RGS3: variants seen among roughly 807,000 people sequenced by gnomAD.
The protein encoded by RGS3 is regulator of G-protein signalling 3.
A neutral mutation model predicts 132.6 loss-of-function variants in RGS3; 80 were observed. The observed-to-expected ratio is 0.60, with a 90% CI of 0.50 to 0.73. RGS3 has a LOEUF of 0.73. Ranked by LOEUF, RGS3 falls within the 30% of genes least tolerant of loss-of-function variation. The pLI, the probability that RGS3 is intolerant of heterozygous loss-of-function variation, is 0.00. For missense variants in RGS3, 1,382 were observed against 1,530.8 expected, an observed-to-expected ratio of 0.90 and a Z score of 1.62; for synonymous variants, 598 against 620.6, an observed-to-expected ratio of 0.96 and a Z score of 0.54.
rs10981799 is a variant in RGS3 at position 113,506,301 on chromosome 9, G to A, written c.980-87G>A. The stretch of plus-strand genomic sequence containing the variant: ...GAGAAAAAGGGAGGTCCTTGTCTGA[G>A]GTCACCATGGCAGCAAAGGACTCCA... On this transcript the variant is annotated intron_variant, in intron 11 of 24. Transcript: ENST00000350696. This position sits in a 1 kb window ranked among gnomAD's most constrained non-coding sequence, Gnocchi z 4.7. 2,017 of 778,896 alleles carry A rather than the reference G, an allele frequency of 2.6e-3. 57 individuals carry two copies. The East Asian group carries it at 0.048, about 19-fold the overall frequency. The allele number at this position is 778,896 out of a possible 1,614,324, so 48.2% of individuals were successfully genotyped here.
exon 15 of RGS3, chr9:113,514,546 C>T (rs757513922): frequency 8.1e-6 from 13 of 1,614,058 alleles, no homozygotes; most frequent in African/African-American, 4.0e-5. Flanking sequence ...TGAAGGGCCA[C>T]GGGAACTACC....
exon 25 of RGS3, chr9:113,597,588 G>A (rs1444822483): frequency 6.6e-6 from 1 of 152,594 alleles, no homozygotes; most frequent in East Asian, 1.9e-4. Context: ...AAGGCAGCCT[G>A]GGGGGACACT....
At chr9:113,489,100 T>C (rs1564476942) in intron 7 of RGS3, among the ~76,000 whole-genome samples, 1 of 152,180 alleles carries the variant, frequency 6.6e-6, no homozygotes, top group South Asian at 2.1e-4. Context: ...GTAGGACTTA[T>C]TATTGCCCCT....
In RGS3 at chr9:113,565,093, C is replaced by CT; in HGVS notation, c.2038-18356dup. 8 of 1,160,054 alleles carry CT rather than the reference C, an allele frequency of 6.9e-6. No individual in the cohort carries two copies. Among genetic ancestry groups the CT allele is most frequent in the Non-Finnish European group, 7.6e-6 (7 of 927,054 alleles). The allele number at this position is 1,160,054 out of a possible 1,614,324, so 71.9% of individuals were successfully genotyped here. On this transcript the variant is annotated intron_variant, in intron 19 of 24. Transcript: ENST00000350696. The surrounding 1 kb of genome is among the most constrained non-coding windows in gnomAD (Gnocchi z 5.7). Reference sequence around the variant, plus strand: ...GTGCCGTTGTGAGGGATGGACGCCTCTCCCCCGGAGCAGCACTTTGGGGCC... The same window carrying CT: ...GTGCCGTTGTGAGGGATGGACGCCTCTTCCCCCGGAGCAGCACTTTGGGGCC...
rs10693019 is a variant in RGS3 at position 113,565,411 on chromosome 9, TAGG to T, written c.2038-18028_2038-18026del. The stretch of plus-strand genomic sequence containing the variant: ...GGAGGAGGAAGAGGAGGAGGACAAG[TAGG>T]AGGAGGAGGAAGAGGAGGAGGGACG... On this transcript the variant is annotated intron_variant, in intron 19 of 24. Transcript: ENST00000350696. This position sits in a 1 kb window ranked among gnomAD's most constrained non-coding sequence, Gnocchi z 5.7. The T allele has an allele frequency of 2.4e-3, 3,068 of 1,276,064 alleles. 7 individuals are homozygous for T. Among genetic ancestry groups the T allele is most frequent in the Middle Eastern group, 4.9e-3 (22 of 4,448 alleles). 79.0% of individuals were successfully genotyped at this position (1,276,064 alleles called of 1,614,324 possible).
At chr9:113,502,748 C>T (rs1344341781) in intron 10 of RGS3, among the ~76,000 whole-genome samples, 1 of 152,176 alleles carries the variant, frequency 6.6e-6, no homozygotes, top group African/African-American at 2.4e-5. Context: ...CTCAGGGACT[C>T]AGAGTTCAAG....
At chr9:113,493,238 G>A (rs1249819456) in intron 7 of RGS3, among the ~76,000 whole-genome samples, 3 of 152,238 alleles carry the variant, frequency 2.0e-5, no homozygotes, top group Non-Finnish European at 4.4e-5. Flanking sequence ...TTCCCAAGGG[G>A]GAGGAGTATT....
At chr9:113,540,735 C>T (rs573530300) in intron 19 of RGS3, among the ~76,000 whole-genome samples, 5 of 152,210 alleles carry the variant, frequency 3.3e-5, no homozygotes, top group Admixed American at 6.5e-5. Context: ...CCCCTTTCCT[C>T]GGGAGATCAC....
At chr9:113,588,734 C>A (rs571277672) in intron 20 of RGS3, among the ~76,000 whole-genome samples, 1 of 152,344 alleles carries the variant, frequency 6.6e-6, no homozygotes, top group Non-Finnish European at 1.5e-5. Context: ...TACTTGCTCA[C>A]TGCTGTGTGT....
In RGS3 at chr9:113,496,473, G is replaced by A. The variant is rs137952886; in HGVS notation, c.750+627G>A. On this transcript the variant is annotated intron_variant, in intron 8 of 24. Transcript: ENST00000350696. ...GGTGGCTTGTGGCATGGCCTGCCAC[G>A]CAGATTTTTGTCCTGGGGTGGGTGG... 2.6e-3 allele frequency among the ~76,000 whole-genome samples: 396 copies of A among 152,244 alleles called. 1 individual carries two copies. The highest frequency in any genetic ancestry group is 4.5e-3 in the Non-Finnish European group (304 of 68,008).
chr9:113,523,209 G>A (rs1172841101), intron 17 of RGS3, among the ~76,000 whole-genome samples, 168 bp downstream of exon 15: 1 of 152,148 alleles, frequency 6.6e-6, no homozygotes, highest in Non-Finnish European at 1.5e-5. Context: ...TTCTTTCTAG[G>A]CTGGTAAGCC....
exon 16 of RGS3, chr9:113,517,563 C>T: frequency 6.2e-7 from 1 of 1,613,420 alleles, no homozygotes. Context: ...TGTAATCCTG[C>T]CCGGACCCTC....
In RGS3 at chr9:113,507,217, T is replaced by C; in HGVS notation, c.1086-70T>C. On this transcript the variant is annotated intron_variant, in intron 12 of 24. Transcript: ENST00000350696. The surrounding 1 kb of genome is among the most constrained non-coding windows in gnomAD (Gnocchi z 5.0). Reference sequence around the variant, plus strand: ...TTCCCCCATTATCCTCTCTGCCCTGTGGGCCCTCACTCTGGCTGATACTGG... The same window carrying C: ...TTCCCCCATTATCCTCTCTGCCCTGCGGGCCCTCACTCTGGCTGATACTGG... 1 of 1,279,106 alleles carries C rather than the reference T, an allele frequency of 7.8e-7. No individual in the cohort carries two copies. The highest frequency in any genetic ancestry group is 1.1e-6 in the Non-Finnish European group (1 of 913,444). The allele number at this position is 1,279,106 out of a possible 1,614,324, so 79.2% of individuals were successfully genotyped here.
At chr9:113,561,300 C>T (rs988300343) in intron 19 of RGS3, among the ~76,000 whole-genome samples, 12 of 151,936 alleles carry the variant, frequency 7.9e-5, no homozygotes, top group Non-Finnish European at 1.8e-4. Flanking sequence ...GCTGGGATTA[C>T]AGGTGTGAGC....
chr9:113,548,677 C>T (rs1016399346), intron 19 of RGS3, among the ~76,000 whole-genome samples: 2 of 152,210 alleles, frequency 1.3e-5, no homozygotes, highest in Admixed American at 6.5e-5. Context: ...AGCCCTCACA[C>T]CCCCTCCTCA....
chr9:113,554,384 C>T (rs1195412213), intron 19 of RGS3, among the ~76,000 whole-genome samples: 1 of 152,242 alleles, frequency 6.6e-6, no homozygotes, highest in African/African-American at 2.4e-5. Flanking sequence ...TGGCTCACTG[C>T]AACCTCCACC....
At chr9:113,575,306 C>G (rs1489709738) in intron 19 of RGS3, among the ~76,000 whole-genome samples, 1 of 152,168 alleles carries the variant, frequency 6.6e-6, no homozygotes, top group Non-Finnish European at 1.5e-5. Context: ...CTGAGAGTCC[C>G]TGCGCGGGGG....
At chr9:113,525,426 G>A (rs1474311142) in intron 17 of RGS3, among the ~76,000 whole-genome samples, 1 of 152,120 alleles carries the variant, frequency 6.6e-6, no homozygotes, top group Non-Finnish European at 1.5e-5. Context: ...GAGTCCTGGC[G>A]TCCAATTTCC....
At chr9:113,503,743 T>G (rs958892331) in intron 10 of RGS3, among the ~76,000 whole-genome samples, 2 of 152,148 alleles carry the variant, frequency 1.3e-5, no homozygotes, top group African/African-American at 4.8e-5. Flanking sequence ...CCCCAGCTTG[T>G]GCTTGGGTTG....
Sources: allele counts gnomAD v4.1 joint callset (sites outside exome capture counted in the v4.1 genomes callset), GRCh38; gene constraint gnomAD v4.1.1; non-coding constraint Gnocchi (gnomAD v3.1); transcripts MANE v1.5; gene names NCBI Gene and HGNC (gene_info 2026-07-23, HGNC 2026-07-21).